Variants in PDE4D observed in about 807,000 individuals in gnomAD.
PDE4D encodes the protein 3',5'-cyclic-AMP phosphodiesterase 4D.
In PDE4D, 24 loss-of-function variants were observed where a neutral mutation model predicts 87.4. The ratio of observed to expected loss-of-function variants is 0.27; its 90% CI spans 0.20 to 0.39. PDE4D has a LOEUF of 0.39. Ranked by LOEUF, PDE4D falls within the 10% of genes least tolerant of loss-of-function variation. The pLI is 1.00. For missense variants in PDE4D, 714 were observed against 1,041.0 expected (o/e 0.69, Z 4.32); for synonymous variants, 384 against 383.2 (o/e 1.00, Z -0.02).
intron 3 of PDE4D, among the ~76,000 whole-genome samples, chr5:59,904,674 A>T (rs148400534): frequency 5.9e-5 from 9 of 152,274 alleles, no homozygotes; most frequent in African/African-American, 2.2e-4. Context: ...GCATTAAGGG[A>T]AGACTAGTTT....
intron 2 of PDE4D, chr5:60,032,948 G>A (rs1767401815): frequency 6.6e-6 from 1 of 152,100 alleles, no homozygotes; most frequent in African/African-American, 2.4e-5. Context: ...GTTAGGTCAG[G>A]AGAATAATAC....
At chr5:60,477,639 C>T (rs1423565821) in intron 1 of PDE4D, among the ~76,000 whole-genome samples, 6 of 152,148 alleles carry the variant, frequency 3.9e-5, no homozygotes, top group Admixed American at 6.5e-5. Context: ...ATCCTCCACT[C>T]GGACTCGGAG....
intron 1 of PDE4D, among the ~76,000 whole-genome samples, chr5:60,303,532 C>T (rs1328763046): frequency 6.6e-6 from 1 of 151,978 alleles, no homozygotes; most frequent in African/African-American, 2.4e-5. Flanking sequence ...TGGTCTCGAT[C>T]TCCTGACCTC....
intron 1 of PDE4D, among the ~76,000 whole-genome samples, chr5:60,313,115 A>C (rs1029642337): frequency 2.0e-5 from 3 of 152,094 alleles, no homozygotes; most frequent in African/African-American, 7.2e-5. Context: ...AAACAAAAAA[A>C]ATTGAAAGAT....
chr5:60,220,409 C>T (rs1024609040), intron 1 of PDE4D, among the ~76,000 whole-genome samples: 40 of 152,256 alleles, frequency 2.6e-4, no homozygotes, highest in Admixed American at 1.2e-3. Context: ...TCACTCTATA[C>T]CACTGGTTTC....
intron 2 of PDE4D, among the ~76,000 whole-genome samples, chr5:59,203,038 TGAA>T (rs1392628992): frequency 1.5e-3 from 228 of 152,278 alleles, no homozygotes; most frequent in African/African-American, 5.3e-3. Context: ...GCAAAAAACC[TGAA>T]TAGGTCTTTC....
At chr5:59,762,480 A>G (rs1326458741) in intron 1 of PDE4D, among the ~76,000 whole-genome samples, 2 of 130,548 alleles carry the variant, frequency 1.5e-5, no homozygotes, top group Admixed American at 1.4e-4. Flanking sequence ...GGGTACACAT[A>G]TGTGTATATG....
intron 6 of PDE4D, among the ~76,000 whole-genome samples, chr5:59,022,614 C>G (rs1401640835): frequency 6.6e-6 from 1 of 152,154 alleles, no homozygotes; most frequent in Non-Finnish European, 1.5e-5. Flanking sequence ...AGCTCAGATT[C>G]TCAGATCTGC....
chr5:60,078,593 T>C (rs1211002676), intron 2 of PDE4D, among the ~76,000 whole-genome samples: 1 of 152,162 alleles, frequency 6.6e-6, no homozygotes, highest in East Asian at 1.9e-4. Context: ...TGTGTCCATG[T>C]GTTCTCAATG....
chr5:59,402,532 C>T (rs980934673), intron 1 of PDE4D, among the ~76,000 whole-genome samples: 2 of 152,126 alleles, frequency 1.3e-5, no homozygotes, highest in Non-Finnish European at 2.9e-5. Flanking sequence ...CATGTTAAAC[C>T]TATCAAAGAT....
chr5:59,907,631 A>G (rs1220634583), intron 3 of PDE4D, among the ~76,000 whole-genome samples: 1 of 152,174 alleles, frequency 6.6e-6, no homozygotes. Flanking sequence ...GGCAAGTTCT[A>G]TCACGAACAA....
chr5:58,987,483 A>G (rs1005955183), intron 11 of PDE4D, among the ~76,000 whole-genome samples: 7 of 152,192 alleles, frequency 4.6e-5, no homozygotes. Context: ...ATAATCCTAA[A>G]GCTCTGAATT....
chr5:59,675,397 C>T (rs1747899076), intron 1 of PDE4D, among the ~76,000 whole-genome samples: 1 of 152,166 alleles, frequency 6.6e-6, no homozygotes, highest in Non-Finnish European at 1.5e-5. Flanking sequence ...ATGAAGTTAT[C>T]ATTTCTCCAC....
chr5:59,744,507 G>A (rs547729705), intron 1 of PDE4D, among the ~76,000 whole-genome samples: 14 of 152,134 alleles, frequency 9.2e-5, no homozygotes, highest in Non-Finnish European at 1.8e-4. Flanking sequence ...CTAGTATAAA[G>A]CCTGACTTTG....
chr5:59,533,405 A>T (rs1814579621), intron 1 of PDE4D, among the ~76,000 whole-genome samples: 1 of 152,270 alleles, frequency 6.6e-6, no homozygotes, highest in African/African-American at 2.4e-5. Context: ...TGTAATGCCC[A>T]AATTAGAAAA....
At chr5:59,781,415 TA>T (rs1229059858) in intron 1 of PDE4D, among the ~76,000 whole-genome samples, 2 of 152,168 alleles carry the variant, frequency 1.3e-5, no homozygotes, top group East Asian at 3.9e-4. Context: ...ACTTACAATT[TA>T]ATGGTTGCAG....
chr5:60,047,713 T>C (rs1425156035), intron 2 of PDE4D, among the ~76,000 whole-genome samples: 3 of 152,188 alleles, frequency 2.0e-5, no homozygotes, highest in Non-Finnish European at 2.9e-5. Flanking sequence ...TCTAGTTTGA[T>C]TGCACTGTGG....
chr5:59,750,294 C>G (rs1415341513), intron 1 of PDE4D, among the ~76,000 whole-genome samples: 2 of 152,028 alleles, frequency 1.3e-5, no homozygotes, highest in African/African-American at 4.8e-5. Flanking sequence ...ACTACTAACA[C>G]TTTTTGCTTC....
intron 1 of PDE4D, among the ~76,000 whole-genome samples, chr5:60,456,257 G>A (rs1444101881): frequency 6.6e-6 from 1 of 152,156 alleles, no homozygotes; most frequent in Admixed American, 6.5e-5. Context: ...TATCCACATG[G>A]CTCTGCAGAA....
Sources: allele counts gnomAD v4.1 joint callset (sites outside exome capture counted in the v4.1 genomes callset), GRCh38; gene constraint gnomAD v4.1.1; transcripts MANE v1.5; gene names NCBI Gene and HGNC (gene_info 2026-07-23, HGNC 2026-07-21).